Variants in SNX18 observed in about 807,000 individuals in gnomAD.
SNX18 encodes the protein sorting nexin 18.
In SNX18, 35 loss-of-function variants were observed where a neutral mutation model predicts 48.7. The ratio of observed to expected loss-of-function variants is 0.72; its 90% CI spans 0.55 to 0.95. SNX18 has a LOEUF of 0.95. Ranked by LOEUF, SNX18 falls within the 40% of genes least tolerant of loss-of-function variation. SNX18 has a pLI of 0.00. For missense variants in SNX18, 824 were observed against 871.0 expected, an observed-to-expected ratio of 0.95 and a Z score of 0.68; for synonymous variants, 492 against 384.7, an observed-to-expected ratio of 1.28 and a Z score of -3.26.
the SNX18 span, among the ~76,000 whole-genome samples, chr5:54,613,085 A>G: frequency 6.6e-6 from 1 of 152,242 alleles, no homozygotes; most frequent in African/African-American, 2.4e-5. Flanking sequence ...AGAGCCTAGG[A>G]TGGGAGCGGT....
At chr5:54,633,709 C>T in the SNX18 span, among the ~76,000 whole-genome samples, 2 of 152,222 alleles carry the variant, frequency 1.3e-5, no homozygotes, top group African/African-American at 2.4e-5. Flanking sequence ...TGTTACTATG[C>T]ATTTTGCATT....
chr5:54,519,287 C>T lies in SNX18; in HGVS notation c.1335C>T (p.Leu445=). 6.2e-7 allele frequency: 1 copy of T among 1,614,128 alleles called. No individual in the cohort carries two copies. The highest frequency in any genetic ancestry group is 1.1e-5 in the South Asian group (1 of 91,090). ...AGATGGACGACAGCGCGCTGCAGCT[C>T]AACCACACGGCCAACGAGTTCGCGC... ...TKKMDDSALQ[L]NHTANEFARK... Residue 445 remains leucine (L), a synonymous_variant, in exon 1 of 2, where the codon CTC becomes CTT. Coordinates refer to ENST00000381410, the MANE Select transcript of SNX18 (RefSeq NM_001102575.2).
the SNX18 span, among the ~76,000 whole-genome samples, chr5:54,627,157 C>G: frequency 6.6e-6 from 1 of 152,150 alleles, no homozygotes. Flanking sequence ...ATACCATGCT[C>G]ACAAATAAAA....
the SNX18 span, among the ~76,000 whole-genome samples, chr5:54,646,504 T>C: frequency 4.6e-5 from 7 of 152,244 alleles, no homozygotes; most frequent in Admixed American, 4.6e-4. Context: ...CAGGAGAGGC[T>C]TGAAGGCTTT....
chr5:54,636,817 C>A, the SNX18 span, among the ~76,000 whole-genome samples: 1 of 152,214 alleles, frequency 6.6e-6, no homozygotes, highest in Non-Finnish European at 1.5e-5. Flanking sequence ...TTACTCCTCA[C>A]AGTGTGTTGC....
At chr5:54,556,171 C>T in the SNX18 span, among the ~76,000 whole-genome samples, 1 of 152,208 alleles carries the variant, frequency 6.6e-6, no homozygotes, top group African/African-American at 2.4e-5. Flanking sequence ...CTGCAATGAA[C>T]ATCCTTAGTC....
chr5:54,519,892 G>A (rs2565014), intron 1 of SNX18: 544,608 of 1,433,360 alleles, frequency 0.38, 106,002 homozygotes, highest in African/African-American at 0.4. Context: ...TGAGACGAGG[G>A]TAGAATTAGA....
chr5:54,529,988 C>T (rs1207258848), intron 1 of SNX18, among the ~76,000 whole-genome samples: 1 of 152,162 alleles, frequency 6.6e-6, no homozygotes, highest in East Asian at 1.9e-4. Context: ...TCTGGAAGGA[C>T]AGTGTGGCAG....
chr5:54,556,771 A>G, the SNX18 span, among the ~76,000 whole-genome samples: 1 of 152,188 alleles, frequency 6.6e-6, no homozygotes, highest in African/African-American at 2.4e-5. Flanking sequence ...ATTGGGGGGT[A>G]TGCACAAAAA....
the SNX18 span, among the ~76,000 whole-genome samples, chr5:54,604,874 G>C: frequency 6.6e-6 from 1 of 152,156 alleles, no homozygotes; most frequent in Non-Finnish European, 1.5e-5. Context: ...GTCTAGGGAT[G>C]GCCTTTCTGA....
At chr5:54,541,584 C>G (rs1397660492) in intron 1 of SNX18, among the ~76,000 whole-genome samples, 3 of 152,058 alleles carry the variant, frequency 2.0e-5, no homozygotes, top group African/African-American at 7.2e-5. Context: ...GAGTGCATTT[C>G]TCTGCCATGG....
At chr5:54,588,550 A>G in the SNX18 span, among the ~76,000 whole-genome samples, 3 of 151,914 alleles carry the variant, frequency 2.0e-5, no homozygotes, top group Non-Finnish European at 4.4e-5. Flanking sequence ...GATGGTCTCG[A>G]TCTCCTGACC....
chr5:54,567,204 T>C, the SNX18 span, among the ~76,000 whole-genome samples: 1 of 151,862 alleles, frequency 6.6e-6, no homozygotes, highest in East Asian at 1.9e-4. Context: ...TGTGTGTATG[T>C]GTGTGTGTAT....
At chr5:54,572,099 TG>T in the SNX18 span, among the ~76,000 whole-genome samples, 1 of 152,220 alleles carries the variant, frequency 6.6e-6, no homozygotes, top group Non-Finnish European at 1.5e-5. Context: ...TTACTCATGG[TG>T]CCAGCCTCCT....
chr5:54,592,588 A>G, the SNX18 span, among the ~76,000 whole-genome samples: 1 of 152,202 alleles, frequency 6.6e-6, no homozygotes, highest in Non-Finnish European at 1.5e-5. Flanking sequence ...TCAGTCAACA[A>G]TTCAATCCGA....
chr5:54,579,708 T>C, the SNX18 span, among the ~76,000 whole-genome samples: 1 of 152,258 alleles, frequency 6.6e-6, no homozygotes, highest in East Asian at 1.9e-4. Context: ...GTGACTAGAA[T>C]TATCATAGAT....
the SNX18 span, among the ~76,000 whole-genome samples, chr5:54,598,386 A>G: frequency 7.2e-5 from 11 of 152,316 alleles, no homozygotes; most frequent in African/African-American, 2.6e-4. Flanking sequence ...AACTCATTCT[A>G]TGAGGCCAGG....
At chr5:54,628,665 T>C in the SNX18 span, among the ~76,000 whole-genome samples, 1 of 152,208 alleles carries the variant, frequency 6.6e-6, no homozygotes, top group Non-Finnish European at 1.5e-5. Flanking sequence ...ATCCATTTCC[T>C]GGCAGGGACA....
At chr5:54,615,188 T>C in the SNX18 span, among the ~76,000 whole-genome samples, 2 of 152,192 alleles carry the variant, frequency 1.3e-5, no homozygotes, top group Admixed American at 6.5e-5. Context: ...CAAGCCAAAA[T>C]TGTAGTAGGT....
Sources: allele counts gnomAD v4.1 joint callset (sites outside exome capture counted in the v4.1 genomes callset), GRCh38; gene constraint gnomAD v4.1.1; transcripts MANE v1.5; gene names NCBI Gene and HGNC (gene_info 2026-07-23, HGNC 2026-07-21).